LIN28B: variants seen among roughly 807,000 people sequenced by gnomAD.
LIN28B encodes protein lin-28 homolog B.
Under a neutral mutation model 21.9 loss-of-function variants are expected in LIN28B, and 5 were observed. The ratio of observed to expected loss-of-function variants is 0.23; its 90% CI spans 0.12 to 0.48. The LOEUF is 0.48. Ranked by LOEUF, LIN28B falls within the 20% of genes least tolerant of loss-of-function variation. LIN28B has a pLI of 0.98. For synonymous variants in LIN28B, 109 were observed against 111.3 expected (o/e 0.98, Z 0.13); for missense variants, 245 against 310.5 (o/e 0.79, Z 1.58).
intron 2 of LIN28B, among the ~76,000 whole-genome samples, chr6:105,009,449 G>GT (rs946953995): frequency 6.6e-6 from 1 of 152,072 alleles, no homozygotes; most frequent in Non-Finnish European, 1.5e-5. Context: ...AAGTTTTGGG[G>GT]TTTTTTGGGG....
chr6:105,034,783 A>G lies in LIN28B; in HGVS notation c.383+8301A>G, dbSNP rs118005631. Among the ~76,000 whole-genome samples, 135 of 152,264 alleles carry G rather than the reference A, an allele frequency of 8.9e-4. 4 individuals are homozygous for G. The East Asian group carries it at 0.024, about 27-fold the overall frequency. On this transcript the variant is annotated intron_variant, in intron 3 of 3. Coordinates refer to ENST00000345080, the MANE Select transcript of LIN28B (RefSeq NM_001004317.4). ...ATAGTAAAGTTATTTTTGTAGAGCC[A>G]TAATTTTGTGGCCTCAAATTCTTTA...
chr6:105,076,641 C>T (rs1772429699), intron 3 of LIN28B, among the ~76,000 whole-genome samples: 2 of 152,044 alleles, frequency 1.3e-5, no homozygotes, highest in South Asian at 2.1e-4. Context: ...TGGAGTCTCA[C>T]TCTGTCGCCA....
rs193036520 is a variant in LIN28B, at chr6:105,025,464, T to A, written c.199-834T>A. On this transcript the variant is annotated intron_variant, in intron 2 of 3. Transcript: ENST00000345080. ...ATTTTTACAAAAAATCAGCTATCTT[T>A]CAAATATGAAATCTGATTTCCTTTC... 7.4e-4 allele frequency among the ~76,000 whole-genome samples: 112 copies of A among 152,058 alleles called. 4 individuals carry two copies. In the East Asian group the frequency reaches 0.021, roughly 28 times the overall value.
intron 2 of LIN28B, among the ~76,000 whole-genome samples, chr6:105,021,246 T>TAC (rs1251200461): frequency 6.6e-6 from 1 of 152,186 alleles, no homozygotes; most frequent in Non-Finnish European, 1.5e-5. Flanking sequence ...TGTATATATA[T>TAC]ACACCACATT....
rs745542338 is a variant in LIN28B at position 105,074,207 on chromosome 6, CT to C, written c.384-4199del. Among the ~76,000 whole-genome samples the C allele has an allele frequency of 3.9e-5, 6 of 151,970 alleles. 1 individual carries two copies. Among genetic ancestry groups the C allele is most frequent in the African/African-American group, 1.4e-4 (6 of 41,476 alleles). On this transcript the variant is annotated intron_variant, in intron 3 of 3. Transcript: ENST00000345080. ...GCCATTCTTTCATTTAAAATCTTTTCTTTTTTTTGAGACAGAGTCTCGCTCT... is the reference window on the plus strand; with the variant it reads ...GCCATTCTTTCATTTAAAATCTTTTCTTTTTTTGAGACAGAGTCTCGCTCT...
At chr6:105,002,444 A>G (rs758305934) in intron 2 of LIN28B, among the ~76,000 whole-genome samples, 65 of 152,324 alleles carry the variant, frequency 4.3e-4, no homozygotes, top group Middle Eastern at 3.4e-3. Context: ...AGATTGTGAT[A>G]TAACTCTAGG....
Position 105,007,720 on chromosome 6 carries a change from G to C in LIN28B, c.199-18578G>C, listed in dbSNP as rs369494939. 6.1e-4 allele frequency among the ~76,000 whole-genome samples: 92 copies of C among 152,036 alleles called. 1 individual carries two copies. The highest frequency in any genetic ancestry group is 2.0e-3 in the African/African-American group (83 of 41,486). ...TTGTTTGTTTGTTTTTGTAGAGATG[G>C]GGTCTCACTGTGTTGCCCAGGCTTG... On this transcript the variant is annotated intron_variant, in intron 2 of 3. Coordinates refer to ENST00000345080, the MANE Select transcript of LIN28B (RefSeq NM_001004317.4).
At position 105,080,232 on chromosome 6, in the gene LIN28B, G is replaced by C. The variant is rs1772517358; in HGVS notation, c.*1449G>C. On this transcript the variant is annotated 3_prime_UTR_variant, in exon 4 of 4. Coordinates refer to ENST00000345080, the MANE Select transcript of LIN28B (RefSeq NM_001004317.4). ...AAAAAATTATTTTGGGGTCATCCTG[G>C]CTCTAGATGTTATGGGCAAATTTCT... is the stretch of plus-strand genomic sequence containing the variant. 1 of 152,568 alleles carries C rather than the reference G, an allele frequency of 6.6e-6. No individual in the cohort carries two copies. The highest frequency in any genetic ancestry group is 2.4e-5 in the African/African-American group (1 of 41,406). The allele number at this position is 152,568 out of a possible 1,614,324, so 9.5% of individuals were successfully genotyped here.
At chr6:104,982,297 C>G (rs929055450) in intron 2 of LIN28B, among the ~76,000 whole-genome samples, 2 of 144,922 alleles carry the variant, frequency 1.4e-5, no homozygotes, top group Non-Finnish European at 3.0e-5. Context: ...TTGGGCGATA[C>G]AGCAAGACTT....
At chr6:104,989,576 GTTTTTTTTTTTTT>G (rs34394074) in intron 2 of LIN28B, among the ~76,000 whole-genome samples, 4 of 60,572 alleles carry the variant, frequency 6.6e-5, no homozygotes, top group Admixed American at 2.7e-4. Flanking sequence ...TTTTACTTGG[GTTTTTTTTTTTTT>G]TTTTTTTTTT....
intron 3 of LIN28B, among the ~76,000 whole-genome samples, chr6:105,057,579 G>GTAC (rs1772044463): frequency 1.3e-5 from 2 of 152,042 alleles, no homozygotes. Context: ...GTATCCCCGT[G>GTAC]TACCTCTTCT....
At chr6:104,984,648 C>A (rs898140689) in intron 2 of LIN28B, among the ~76,000 whole-genome samples, 5 of 152,064 alleles carry the variant, frequency 3.3e-5, no homozygotes, top group Admixed American at 6.6e-5. Flanking sequence ...GTTGACCAGG[C>A]TGGTCTTGAA....
intron 3 of LIN28B, among the ~76,000 whole-genome samples, chr6:105,053,718 T>TGC (rs1020636581): frequency 2.1e-5 from 3 of 146,148 alleles, no homozygotes; most frequent in African/African-American, 8.1e-5. Flanking sequence ...TGGGTGCGTG[T>TGC]GTGTGTGTGT....
At chr6:105,013,163 C>T (rs982904609) in intron 2 of LIN28B, among the ~76,000 whole-genome samples, 1 of 152,020 alleles carries the variant, frequency 6.6e-6, no homozygotes. Context: ...AGGCGTGCAC[C>T]ACCAAGCCCG....
intron 2 of LIN28B, among the ~76,000 whole-genome samples, chr6:104,945,952 T>C (rs1312380409): frequency 2.0e-5 from 3 of 152,048 alleles, no homozygotes; most frequent in Non-Finnish European, 4.4e-5. Context: ...GGTGTCCATA[T>C]CTTATATGAA....
intron 3 of LIN28B, chr6:104,950,593 A>T: frequency 1.3e-6 from 1 of 758,814 alleles, no homozygotes; most frequent in Non-Finnish European, 1.8e-6. Context: ...TGAGAACCTG[A>T]CAGCCCTCAG....
At chr6:105,046,876 C>G (rs2114376546) in intron 3 of LIN28B, among the ~76,000 whole-genome samples, 1 of 152,060 alleles carries the variant, frequency 6.6e-6, no homozygotes, top group East Asian at 1.9e-4. Flanking sequence ...TTGTTTTTTT[C>G]TTGTAAATTT....
chr6:104,958,478 A>G (rs1374630043), intron 2 of LIN28B, among the ~76,000 whole-genome samples, 192 bp downstream of exon 2: 1 of 152,202 alleles, frequency 6.6e-6, no homozygotes, highest in Non-Finnish European at 1.5e-5. Context: ...TCTAAAGAGA[A>G]AAGAAAATAT....
At chr6:104,941,578 C>T (rs1167588870) in intron 2 of LIN28B, 6 of 150,406 alleles carry the variant, frequency 4.0e-5, no homozygotes. Context: ...GGGGCCGCGC[C>T]GCCAGAGGGC....
Sources: gnomAD v4.1 joint callset for allele counts (sites outside exome capture counted in the v4.1 genomes callset) on GRCh38, gnomAD v4.1.1 for gene constraint, MANE v1.5 for transcripts, NCBI Gene and HGNC (gene_info 2026-07-23, HGNC 2026-07-21) for gene names.